ITGA2: variants seen among roughly 807,000 people sequenced by gnomAD.
ITGA2 encodes the protein integrin alpha-2.
A neutral mutation model predicts 146.3 loss-of-function variants in ITGA2; 101 were observed. The ratio of observed to expected loss-of-function variants is 0.69; its 90% CI spans 0.59 to 0.81. The LOEUF (loss-of-function observed/expected upper bound fraction) is 0.81. Ranked by LOEUF, ITGA2 falls within the 40% of genes least tolerant of loss-of-function variation. The pLI is 0.00. For synonymous variants in ITGA2, 477 were observed against 487.1 expected (o/e 0.98, Z 0.27); for missense variants, 1,281 against 1,402.7 (o/e 0.91, Z 1.39).
Position 53,064,920 on chromosome 5 carries a change from G to C in ITGA2, c.1611G>C (p.Leu537Phe). 1 of 1,612,520 alleles carries C rather than the reference G, an allele frequency of 6.2e-7. No homozygotes were observed. The highest frequency in any genetic ancestry group is 8.5e-7 in the Non-Finnish European group (1 of 1,178,992). ...TGTTTCCCCTTTGCAAGGGCATTTTGGGTCAGCACCAATTTCTTGAAGGCC... is the reference window on the plus strand; with the variant it reads ...TGTTTCCCCTTTGCAAGGGCATTTTCGGTCAGCACCAATTTCTTGAAGGCC... ...VYLFTIKEGILGQHQFLEGPE... is the reference protein window; with the variant it reads ...VYLFTIKEGIFGQHQFLEGPE... Residue 537 changes from leucine to phenylalanine, a missense_variant, in exon 14 of 30, where the codon TTG becomes TTC. This residue lies in a region of ITGA2 where 795 missense variants were observed against 841.7 expected (regional missense o/e 0.94). Transcript: ENST00000296585.
chr5:53,004,894 GTTTTTTTTTTT>G (rs548541753), intron 1 of ITGA2, among the ~76,000 whole-genome samples: 55 of 55,920 alleles, frequency 9.8e-4, no homozygotes, highest in East Asian at 7.2e-3. Context: ...TAGTTGCTTT[GTTTTTTTTTTT>G]TTTTTTTTTT....
intron 20 of ITGA2, 44 bp from the exon 21 acceptor site, chr5:53,074,341 G>C: frequency 6.7e-7 from 1 of 1,503,316 alleles, no homozygotes; most frequent in Non-Finnish European, 9.3e-7. Context: ...ACACACAAAT[G>C]TTGTATGCCA....
In ITGA2 at chr5:53,051,364, T is replaced by A. The variant is rs771404872; in HGVS notation, c.631-47T>A. On this transcript the variant is annotated intron_variant, in intron 6 of 29. Coordinates refer to ENST00000296585, the MANE Select transcript of ITGA2 (RefSeq NM_002203.4). ...TATTTTATTGGTTAAGTAGAAATTA[T>A]TTTTAATGTAATGACAGCCCATTAA... 4.4e-6 allele frequency: 7 copies of A among 1,588,612 alleles called. No homozygotes were observed. In the Middle Eastern group the frequency reaches 5.0e-4, roughly 114 times the overall value.
intron 2 of ITGA2, among the ~76,000 whole-genome samples, chr5:53,027,398 C>T (rs1166226898): frequency 6.6e-6 from 1 of 152,206 alleles, no homozygotes; most frequent in African/African-American, 2.4e-5. Context: ...CTTTCTCTAG[C>T]ATATTAACAC....
At position 53,058,115 on chromosome 5, in the gene ITGA2, A is replaced by T. The variant is rs780118594; in HGVS notation, c.1173+14A>T. On this transcript the variant is annotated intron_variant, in intron 10 of 29. Transcript: ENST00000296585. ...TCTTCTCAAAATGTGCGTATATCAG[A>T]TAGCTTCAAGCCATGTTGTCATTTG... is the stretch of plus-strand genomic sequence containing the variant. 1.3e-6 allele frequency: 2 copies of T among 1,590,532 alleles called. No homozygotes were observed. Among genetic ancestry groups the T allele is most frequent in the South Asian group, 1.1e-5 (1 of 90,586 alleles).
At chr5:53,072,491 T>G (rs1402756115) in intron 18 of ITGA2, 122 bp from the exon 19 acceptor site, 7 of 707,960 alleles carry the variant, frequency 9.9e-6, no homozygotes, top group Non-Finnish European at 1.8e-5. Flanking sequence ...AACATTTATA[T>G]ATTCCTAGAA....
intron 27 of ITGA2, among the ~76,000 whole-genome samples, chr5:53,083,692 T>C (rs1055710790): frequency 1.3e-5 from 2 of 152,182 alleles, no homozygotes; most frequent in African/African-American, 4.8e-5. Flanking sequence ...TCAGACTCCA[T>C]GCGACCTACC....
rs1165247920 is a variant in ITGA2, at chr5:53,092,045, T to C, written c.*1446T>C. The C allele has an allele frequency of 6.6e-6, 1 of 152,212 alleles. No homozygotes were observed. The highest frequency in any genetic ancestry group is 1.5e-5 in the Non-Finnish European group (1 of 68,048). The allele number at this position is 152,212 out of a possible 1,614,324, so 9.4% of individuals were successfully genotyped here. On this transcript the variant is annotated 3_prime_UTR_variant, in exon 30 of 30. Transcript: ENST00000296585. ...TTGGGATAAGGCCCAGCAATCTGCA[T>C]TTTAACAAGCACCCCAGTCACTAGG...
rs1744587085 is a variant in ITGA2, at chr5:53,055,543, A to G, written c.785A>G (p.Tyr262Cys). The G allele has an allele frequency of 3.1e-6, 5 of 1,612,706 alleles. No individual in the cohort carries two copies. The highest frequency in any genetic ancestry group is 4.2e-6 in the Non-Finnish European group (5 of 1,179,110). The change falls in exon 8 of 30, where the codon TAT (tyrosine) becomes TGT (cysteine). Residue 262 changes from tyrosine (Y) to cysteine (C), a missense_variant. Transcript: ENST00000296585. ...TFGAIQYARK[Y>C]AYSAASGGRR... ...TTTAATTTTATCTGCCACAGAAAATATGCTTATTCAGCAGCTTCTGGTGGG... is the reference window on the plus strand; with the variant it reads ...TTTAATTTTATCTGCCACAGAAAATGTGCTTATTCAGCAGCTTCTGGTGGG...
At chr5:53,014,154 G>GAGA (rs1742289414) in intron 1 of ITGA2, among the ~76,000 whole-genome samples, 1 of 152,052 alleles carries the variant, frequency 6.6e-6, no homozygotes, top group African/African-American at 2.4e-5. Flanking sequence ...GGACTGGTGA[G>GAGA]GGTCAGCATC....
intron 4 of ITGA2, 33 bp downstream of exon 4, chr5:53,045,125 T>C: frequency 6.7e-7 from 1 of 1,488,734 alleles, no homozygotes. Context: ...ATTATTCCTC[T>C]CAAGAAAGTA....
rs529639060 is a variant in ITGA2, at chr5:53,065,180, C to T, written c.1806+65C>T. On this transcript the variant is annotated intron_variant, in intron 14 of 29. Transcript: ENST00000296585. Reference sequence around the variant, plus strand: ...GTCTTATCATATTAGACATAGAAAGCGTCATGTAAACCATGCAATCCGTCC... The same window carrying T: ...GTCTTATCATATTAGACATAGAAAGTGTCATGTAAACCATGCAATCCGTCC... 33 of 1,480,734 alleles carry T rather than the reference C, an allele frequency of 2.2e-5. No homozygotes were observed. The East Asian group carries it at 2.5e-4, about 11-fold the overall frequency. The allele number at this position is 1,480,734 out of a possible 1,614,324, so 91.7% of individuals were successfully genotyped here. A position where few individuals can be genotyped will look rare whatever the true frequency, so the allele number is the denominator to read the frequency against.
At chr5:53,033,979 G>A (rs1323698707) in intron 2 of ITGA2, among the ~76,000 whole-genome samples, 1 of 152,044 alleles carries the variant, frequency 6.6e-6, no homozygotes, top group Non-Finnish European at 1.5e-5. Context: ...TGGCCAGGCT[G>A]ATCTCGAACT....
chr5:53,058,468 T>C lies in ITGA2; in HGVS notation c.1173+367T>C, dbSNP rs151064092. Among the ~76,000 whole-genome samples the C allele has an allele frequency of 2.3e-3, 354 of 152,032 alleles. 2 individuals are homozygous for C. Among genetic ancestry groups the C allele is most frequent in the Non-Finnish European group, 3.9e-3 (265 of 67,924 alleles). Reference sequence around the variant, plus strand: ...ACACGTACTCTTGTCATCACCGTCATGGTCGAATTCTGAATGGTCATAGTA... The same window carrying C: ...ACACGTACTCTTGTCATCACCGTCACGGTCGAATTCTGAATGGTCATAGTA... On this transcript the variant is annotated intron_variant, in intron 10 of 29. Transcript: ENST00000296585.
chr5:53,013,264 T>G (rs1023510332), intron 1 of ITGA2, among the ~76,000 whole-genome samples: 2 of 152,188 alleles, frequency 1.3e-5, no homozygotes, highest in African/African-American at 4.8e-5. Flanking sequence ...TATCTTGAGT[T>G]GATTTTTGTG....
intron 1 of ITGA2, among the ~76,000 whole-genome samples, chr5:53,019,437 T>C: frequency 6.6e-6 from 1 of 152,168 alleles, no homozygotes; most frequent in East Asian, 1.9e-4. Flanking sequence ...TCCAGCAGGC[T>C]GTCTGAGGCC....
intron 1 of ITGA2, among the ~76,000 whole-genome samples, chr5:53,007,926 A>G (rs969606067): frequency 1.8e-4 from 28 of 152,200 alleles, no homozygotes; most frequent in African/African-American, 6.3e-4. Flanking sequence ...GATTGTTTTC[A>G]CACAAAATAT....
chr5:53,075,265 A>T lies in ITGA2; in HGVS notation c.2786A>T (p.Lys929Ile). ...AAGGCTGATAATTTGGTCAACCTCA[A>T]AATTCCTCTCCTGTATGATGCTGAA... ...ENKADNLVNL[K>I]IPLLYDAEIH... is the part of the protein sequence containing the mutation. The change falls in exon 23 of 30, where the codon AAA (lysine) becomes ATA (isoleucine). Residue 929 changes from lysine to isoleucine, a missense_variant. Around this residue, in one of 3 missense-constraint regions of ITGA2, gnomAD observed 475 missense variants for 530.5 expected, o/e 0.90. Transcript: ENST00000296585. 1.9e-6 allele frequency: 3 copies of T among 1,612,836 alleles called. No homozygotes were observed. The highest frequency in any genetic ancestry group is 2.5e-6 in the Non-Finnish European group (3 of 1,179,330).
At chr5:53,065,174 A>G in intron 14 of ITGA2, 59 bp downstream of exon 14, 1 of 1,506,356 alleles carries the variant, frequency 6.6e-7, no homozygotes, top group African/African-American at 1.4e-5. Flanking sequence ...TATTAGACAT[A>G]GAAAGCGTCA....
Sources: gnomAD v4.1 joint callset for allele counts (sites outside exome capture counted in the v4.1 genomes callset) on GRCh38, gnomAD v4.1.1 for gene constraint, gnomAD v4.1.1 regional missense constraint, MANE v1.5 for transcripts, NCBI Gene and HGNC (gene_info 2026-07-23, HGNC 2026-07-21) for gene names.